The following SMYD3 variants were observed in gnomAD, a reference collection of about 807,000 sequenced individuals.
The protein encoded by SMYD3 is histone-lysine N-methyltransferase SMYD3.
SMYD3 carries 36 observed loss-of-function variants against 57.7 expected under a neutral mutation model. The ratio of observed to expected loss-of-function variants is 0.62; its 90% CI spans 0.48 to 0.82. The LOEUF is 0.82. Among genes scored for constraint, SMYD3 ranks in the 40% least tolerant of loss-of-function variants. The pLI, the probability that SMYD3 is intolerant of heterozygous loss-of-function variation, is 0.00. For missense variants in SMYD3, 515 were observed against 538.8 expected, an observed-to-expected ratio of 0.96 and a Z score of 0.44; for synonymous variants, 211 against 195.0, an observed-to-expected ratio of 1.08 and a Z score of -0.68.
At chr1:245,843,233 G>A (rs557955004) in intron 10 of SMYD3, among the ~76,000 whole-genome samples, 12 of 152,058 alleles carry the variant, frequency 7.9e-5, no homozygotes, top group East Asian at 3.9e-4. Context: ...ACACACTTAC[G>A]AGCCCACTGG....
chr1:246,506,984 C>CCCACCCCCCCCCCCCCCCCCCCCCCCA, intron 1 of SMYD3, 70 bp downstream of exon 1: 1 of 827,014 alleles, frequency 1.2e-6, no homozygotes, highest in Non-Finnish European at 1.7e-6. Context: ...TGCCGGCCGC[C>CCCACCCCCCCCCCCCCCCCCCCCCCCA]CGACGCCCCC....
intron 10 of SMYD3, among the ~76,000 whole-genome samples, chr1:245,812,891 A>T (rs1222967485): frequency 6.6e-6 from 1 of 151,804 alleles, no homozygotes; most frequent in Non-Finnish European, 1.5e-5. Flanking sequence ...GTGGGTGAGT[A>T]AATCTCATCT....
intron 5 of SMYD3, among the ~76,000 whole-genome samples, chr1:246,160,769 G>A (rs950344907): frequency 2.0e-5 from 3 of 152,220 alleles, no homozygotes; most frequent in African/African-American, 7.2e-5. Flanking sequence ...GGGGACAGCA[G>A]TGAGTGAGGA....
chr1:245,878,933 G>T (rs763002392), intron 8 of SMYD3, among the ~76,000 whole-genome samples: 1 of 152,224 alleles, frequency 6.6e-6, no homozygotes, highest in African/African-American at 2.4e-5. Flanking sequence ...TTTCAAAAGA[G>T]TAATGCCCCT....
chr1:246,450,969 C>G (rs1343096097), intron 1 of SMYD3, among the ~76,000 whole-genome samples: 5 of 152,184 alleles, frequency 3.3e-5, no homozygotes, highest in African/African-American at 1.2e-4. Flanking sequence ...TAAATAAATG[C>G]ATATTACCAC....
intron 1 of SMYD3, among the ~76,000 whole-genome samples, chr1:246,406,105 T>A (rs1443978452): frequency 1.3e-5 from 2 of 151,296 alleles, no homozygotes; most frequent in East Asian, 1.9e-4. Flanking sequence ...TTTTTTTTTT[T>A]AAATAGAGAC....
chr1:245,914,517 G>T (rs1218039840), intron 8 of SMYD3, among the ~76,000 whole-genome samples: 1 of 152,190 alleles, frequency 6.6e-6, no homozygotes, highest in Non-Finnish European at 1.5e-5. Context: ...TCAGTCAGGT[G>T]CAGAAAGATA....
At chr1:245,761,212 C>A (rs1358350087) in intron 11 of SMYD3, among the ~76,000 whole-genome samples, 1 of 152,170 alleles carries the variant, frequency 6.6e-6, no homozygotes, top group Non-Finnish European at 1.5e-5. Flanking sequence ...TCCCAGAATA[C>A]CTTTCATTTG....
At chr1:245,979,318 C>T (rs10924419) in intron 5 of SMYD3, among the ~76,000 whole-genome samples, 18,811 of 152,054 alleles carry the variant, frequency 0.12, 1,297 homozygotes, top group East Asian at 0.19. Context: ...GAATTATGTT[C>T]CCTCCAATAA....
intron 8 of SMYD3, among the ~76,000 whole-genome samples, chr1:245,898,676 C>T (rs2053988357): frequency 6.6e-6 from 1 of 152,204 alleles, no homozygotes; most frequent in Non-Finnish European, 1.5e-5. Flanking sequence ...GGCAACAGAG[C>T]TTTGATAGAC....
At chr1:246,434,212 T>G (rs776340210) in intron 1 of SMYD3, among the ~76,000 whole-genome samples, 2 of 152,232 alleles carry the variant, frequency 1.3e-5, no homozygotes, top group Non-Finnish European at 2.9e-5. Context: ...AACACCATTC[T>G]GGACATCAGC....
At chr1:246,240,655 G>C (rs1019750831) in intron 5 of SMYD3, among the ~76,000 whole-genome samples, 2 of 152,176 alleles carry the variant, frequency 1.3e-5, no homozygotes, top group Non-Finnish European at 2.9e-5. Context: ...GATGGCAATA[G>C]CATTGAATCT....
chr1:245,756,968 A>T (rs955444291), intron 11 of SMYD3, among the ~76,000 whole-genome samples: 1 of 152,066 alleles, frequency 6.6e-6, no homozygotes, highest in Non-Finnish European at 1.5e-5. Context: ...TTTTTTAAAA[A>T]CAATATGGTA....
intron 5 of SMYD3, among the ~76,000 whole-genome samples, chr1:246,228,658 T>C (rs775968802): frequency 1.3e-5 from 2 of 152,226 alleles, no homozygotes; most frequent in Non-Finnish European, 2.9e-5. Flanking sequence ...AGTGACAATC[T>C]AGGTTCCTTT....
At chr1:246,040,710 G>A (rs934963431) in intron 5 of SMYD3, among the ~76,000 whole-genome samples, 9 of 152,068 alleles carry the variant, frequency 5.9e-5, no homozygotes, top group African/African-American at 2.2e-4. Flanking sequence ...GTGCTGAGGT[G>A]GTAAAATATT....
chr1:246,064,568 C>T (rs990632910), intron 5 of SMYD3, among the ~76,000 whole-genome samples: 7 of 152,178 alleles, frequency 4.6e-5, no homozygotes, highest in South Asian at 4.1e-4. Context: ...CTCCCCTCCA[C>T]GGCATTTATC....
rs561245889 is a variant in SMYD3 at position 246,049,657 on chromosome 1, A to G, written c.532-119720T>C. On this transcript the variant is annotated intron_variant, in intron 5 of 11. Transcript: ENST00000490107. ...CACAGTATGTATTTAACAGACGTCA[A>G]CTGCGCTGTGCCAGTTCAGCTAGGC... Among the ~76,000 whole-genome samples the G allele has an allele frequency of 4.0e-4, 61 of 152,338 alleles. No individual in the cohort carries two copies. In the South Asian group the frequency reaches 0.012, roughly 30 times the overall value.
intron 5 of SMYD3, chr1:246,189,265 C>G (rs1360477431): frequency 2.0e-5 from 3 of 152,164 alleles, no homozygotes. Context: ...CTATTTCATC[C>G]AACTCTTACA....
intron 11 of SMYD3, 32 bp from the exon 12 acceptor site, chr1:245,749,696 C>A (rs778743014): frequency 7.0e-6 from 11 of 1,572,752 alleles, no homozygotes; most frequent in Non-Finnish European, 9.6e-6. Context: ...GAGATTAGAC[C>A]CCAAAATAGG....
Sources: allele counts gnomAD v4.1 joint callset (sites outside exome capture counted in the v4.1 genomes callset), GRCh38; gene constraint gnomAD v4.1.1; transcripts MANE v1.5; gene names NCBI Gene and HGNC (gene_info 2026-07-23, HGNC 2026-07-21).